Variants in ZNF44 observed in about 807,000 individuals in gnomAD.
ZNF44 encodes the protein zinc finger protein 44.
Under a neutral mutation model 11.7 loss-of-function variants are expected in ZNF44, and 9 were observed. The observed-to-expected ratio is 0.77, with a 90% CI of 0.46 to 1.35. The LOEUF (loss-of-function observed/expected upper bound fraction) is 1.35. Ranked by LOEUF, ZNF44 falls within the 40% of genes most tolerant of loss-of-function variation. The pLI is 0.00. For synonymous variants in ZNF44, 224 were observed against 242.7 expected (o/e 0.92, Z 0.72); for missense variants, 696 against 743.1 (o/e 0.94, Z 0.74).
chr19:12,266,341 C>A (rs1033416115), intron 5 of ZNF44: 1 of 985,180 alleles, frequency 1.0e-6, no homozygotes, highest in Non-Finnish European at 1.2e-6. Flanking sequence ...CAGGGCAAAT[C>A]GCGACACACC....
chr19:12,274,896 T>C, intron 3 of ZNF44, 77 bp downstream of exon 3: 1 of 1,109,826 alleles, frequency 9.0e-7, no homozygotes, highest in Non-Finnish European at 1.3e-6. Flanking sequence ...TTCATAATCT[T>C]TGCTTCTTTT....
chr19:12,270,569 A>ATGAG (rs1050113674), downstream of ZNF44, among the ~76,000 whole-genome samples: 1 of 151,796 alleles, frequency 6.6e-6, no homozygotes, highest in Non-Finnish European at 1.5e-5. Context: ...CTCCTGCCTC[A>ATGAG]GCCTTCCAAG....
intron 1 of ZNF44, among the ~76,000 whole-genome samples, chr19:12,286,511 G>A (rs1240679202): frequency 6.6e-6 from 1 of 152,004 alleles, no homozygotes; most frequent in African/African-American, 2.4e-5. Context: ...GCGGGTGCCT[G>A]TAGTCCTAGC....
chr19:12,283,506 T>C (rs1041010214), intron 1 of ZNF44, among the ~76,000 whole-genome samples: 1 of 152,102 alleles, frequency 6.6e-6, no homozygotes, highest in Non-Finnish European at 1.5e-5. Flanking sequence ...TTTTTTTGTA[T>C]TTTTAGTAGA....
intron 1 of ZNF44, among the ~76,000 whole-genome samples, chr19:12,287,778 G>A (rs1967829425): frequency 1.3e-5 from 2 of 152,172 alleles, no homozygotes; most frequent in Admixed American, 6.5e-5. Flanking sequence ...CATGAGTGCA[G>A]GGAACTTTTT....
chr19:12,290,553 A>G (rs2145770922), intron 1 of ZNF44, among the ~76,000 whole-genome samples: 1 of 151,410 alleles, frequency 6.6e-6, no homozygotes, highest in African/African-American at 2.4e-5. Flanking sequence ...TACAAAAATT[A>G]GCTGGGCATG....
chr19:12,273,215 T>A lies in ZNF44; in HGVS notation c.1040A>T (p.Asp347Val). Residue 347 changes from aspartate (D) to valine (V), a missense_variant, in exon 4 of 4, where the codon GAT becomes GTT. By Grantham distance (152) the Asp-to-Val change is radical (BLOSUM62 -3). Coordinates refer to ENST00000355684, the MANE Select transcript of ZNF44 (RefSeq NM_016264.4). ...ATGAATTCGTGCTGAACCAGGAAAATCAAAGCCTTTCCCACATATCTTACA... is the reference window on the plus strand; with the variant it reads ...ATGAATTCGTGCTGAACCAGGAAAAACAAAGCCTTTCCCACATATCTTACA... The part of the protein sequence containing the change: ...HKCKICGKGF[D>V]FPGSARIHEG... 1 of 1,613,976 alleles carries A rather than the reference T, an allele frequency of 6.2e-7. No individual in the cohort carries two copies. The highest frequency in any genetic ancestry group is 8.5e-7 in the Non-Finnish European group (1 of 1,179,944).
chr19:12,225,698 G>A (rs1915886115), downstream of ZNF44, among the ~76,000 whole-genome samples: 1 of 152,214 alleles, frequency 6.6e-6, no homozygotes, highest in South Asian at 2.1e-4. Context: ...TCCCACACGG[G>A]TGGCGTAGTA....
At chr19:12,285,554 T>G (rs1339703600) in intron 1 of ZNF44, among the ~76,000 whole-genome samples, 1 of 152,182 alleles carries the variant, frequency 6.6e-6, no homozygotes, top group Non-Finnish European at 1.5e-5. Flanking sequence ...GCACCCGGCC[T>G]GGTCAGACAG....
intron 5 of ZNF44, among the ~76,000 whole-genome samples, chr19:12,265,304 G>C (rs1226502985): frequency 6.6e-6 from 1 of 152,034 alleles, no homozygotes; most frequent in African/African-American, 2.4e-5. Context: ...AAGATCGGTT[G>C]AGATGGGGAG....
At chr19:12,291,988 T>C (rs1968026225) in intron 1 of ZNF44, among the ~76,000 whole-genome samples, 1 of 141,310 alleles carries the variant, frequency 7.1e-6, no homozygotes, top group Non-Finnish European at 1.5e-5. Context: ...TGAAACTCCA[T>C]CTCAGAAAAA....
chr19:12,243,919 C>A (rs1227566013), downstream of ZNF44, among the ~76,000 whole-genome samples: 1 of 152,010 alleles, frequency 6.6e-6, no homozygotes, highest in African/African-American at 2.4e-5. Flanking sequence ...GATATTAAGT[C>A]CCTTTTCATT....
intron 5 of ZNF44, among the ~76,000 whole-genome samples, chr19:12,254,548 C>A (rs1917161921): frequency 6.6e-6 from 1 of 151,898 alleles, no homozygotes; most frequent in South Asian, 2.1e-4. Flanking sequence ...CTCTGGCCAA[C>A]CTGGTGAAAC....
At chr19:12,269,388 G>A (rs1044593600), downstream of ZNF44, among the ~76,000 whole-genome samples, 4 of 152,112 alleles carry the variant, frequency 2.6e-5, no homozygotes, top group South Asian at 2.1e-4. Context: ...CAGGCATGGC[G>A]GCGGGTGCCT....
intron 1 of ZNF44, among the ~76,000 whole-genome samples, chr19:12,285,892 G>T (rs915125777): frequency 6.6e-6 from 1 of 151,892 alleles, no homozygotes; most frequent in Non-Finnish European, 1.5e-5. Flanking sequence ...GGTGGCGGGC[G>T]CCTGTAGTCC....
At chr19:12,235,168 A>G (rs1363134367) in intron 1 of ZNF44, among the ~76,000 whole-genome samples, 8 of 152,036 alleles carry the variant, frequency 5.3e-5, no homozygotes, top group Non-Finnish European at 4.4e-5. Context: ...CAAGGTCAGG[A>G]GACATCCTGG....
intron 5 of ZNF44, among the ~76,000 whole-genome samples, chr19:12,260,957 C>A (rs1044364782): frequency 3.3e-5 from 5 of 152,186 alleles, no homozygotes; most frequent in Admixed American, 2.6e-4. Context: ...TGCTAGTCAC[C>A]TAGAAGGGCG....
intron 5 of ZNF44, chr19:12,250,403 G>T (rs770895969): frequency 2.3e-6 from 3 of 1,326,984 alleles, no homozygotes; most frequent in Non-Finnish European, 3.0e-6. Context: ...AGGAGAATGG[G>T]TGAGACTGAC....
chr19:12,226,165 A>G lies in ZNF44; in HGVS notation n.799T>C, dbSNP rs931245216. 3.9e-5 allele frequency: 6 copies of G among 152,246 alleles called. No homozygotes were observed. The East Asian group carries it at 1.2e-3, about 29-fold the overall frequency. 9.4% of individuals were successfully genotyped at this position (152,246 alleles called of 1,614,324 possible). Reference sequence around the variant, plus strand: ...GTTATTTGCATACAGTGGAGCAAGAATAATTATTTGTTACTTAGGTCCTTT... The same window carrying G: ...GTTATTTGCATACAGTGGAGCAAGAGTAATTATTTGTTACTTAGGTCCTTT... On this transcript the variant is annotated non_coding_transcript_exon_variant, in exon 4 of 4. Transcript: ENST00000597563.
Sources: gnomAD v4.1 joint callset for allele counts (sites outside exome capture counted in the v4.1 genomes callset) on GRCh38, gnomAD v4.1.1 for gene constraint, MANE v1.5 for transcripts, NCBI Gene and HGNC (gene_info 2026-07-23, HGNC 2026-07-21) for gene names.